The following ABL1 variants were observed in gnomAD, a reference collection of about 807,000 sequenced individuals.
The protein encoded by ABL1 is ABL proto-oncogene 1, non-receptor tyrosine kinase, also known as tyrosine-protein kinase ABL1.
In ABL1, 11 loss-of-function variants were observed where a neutral mutation model predicts 94.7. The observed-to-expected ratio is 0.12, with a 90% CI of 0.07 to 0.19. The LOEUF (loss-of-function observed/expected upper bound fraction) is 0.19, where lower values mean the gene tolerates loss of function less well. Ranked by LOEUF, ABL1 falls within the 10% of genes least tolerant of loss-of-function variation. The pLI is 1.00. For missense variants in ABL1, 1,082 were observed against 1,489.4 expected (o/e 0.73, Z 4.50); for synonymous variants, 656 against 622.4 (o/e 1.05, Z -0.80).
At chr9:130,829,519 C>T (rs1257731666) in intron 1 of ABL1, among the ~76,000 whole-genome samples, 2 of 148,308 alleles carry the variant, frequency 1.3e-5, no homozygotes, top group East Asian at 2.0e-4. Flanking sequence ...GGGCGGAGAT[C>T]GCGCCACTGC....
At chr9:130,831,493 TC>T (rs1284183449), upstream of ABL1, among the ~76,000 whole-genome samples, 1 of 152,268 alleles carries the variant, frequency 6.6e-6, no homozygotes, top group African/African-American at 2.4e-5. Flanking sequence ...ACTATGCCTA[TC>T]TTAAATTCAG....
At chr9:130,730,321 C>A (rs1248491878) in intron 1 of ABL1, among the ~76,000 whole-genome samples, 1 of 151,666 alleles carries the variant, frequency 6.6e-6, no homozygotes, top group East Asian at 2.0e-4. Flanking sequence ...GGATTACAGG[C>A]GTGAGTCACC....
At chr9:130,806,820 C>T (rs1483793201) in intron 1 of ABL1, among the ~76,000 whole-genome samples, 1 of 152,098 alleles carries the variant, frequency 6.6e-6, no homozygotes, top group Non-Finnish European at 1.5e-5. Context: ...GATACATTTT[C>T]CTATTTGTCT....
intron 1 of ABL1, among the ~76,000 whole-genome samples, chr9:130,827,150 G>A (rs1475219793): frequency 1.3e-5 from 2 of 152,206 alleles, no homozygotes; most frequent in African/African-American, 4.8e-5. Context: ...ATGGGTCCGG[G>A]TAGGCCATTG....
chr9:130,886,619 C>T lies in ABL1; in HGVS notation c.*936C>T. 4.3e-6 allele frequency: 1 copy of T among 233,706 alleles called. No individual in the cohort carries two copies. Among genetic ancestry groups the T allele is most frequent in the Non-Finnish European group, 8.5e-6 (1 of 118,068 alleles). 14.5% of individuals were successfully genotyped at this position (233,706 alleles called of 1,614,324 possible). ...GGGCCCAGGCAGGTCTGCAAGGGCCCAGAGTGAACCGTCCTTTCACACATC... is the reference window on the plus strand; with the variant it reads ...GGGCCCAGGCAGGTCTGCAAGGGCCTAGAGTGAACCGTCCTTTCACACATC... On this transcript the variant is annotated 3_prime_UTR_variant, in exon 11 of 11. Coordinates refer to ENST00000318560, the MANE Select transcript of ABL1 (RefSeq NM_005157.6).
intron 1 of ABL1, among the ~76,000 whole-genome samples, chr9:130,821,889 G>A (rs1051131115): frequency 6.7e-6 from 1 of 149,770 alleles, no homozygotes; most frequent in Non-Finnish European, 1.5e-5. Flanking sequence ...CACCCAGGCT[G>A]GAGTGCAGTG....
At chr9:130,882,709 A>G (rs1391429465) in intron 10 of ABL1, among the ~76,000 whole-genome samples, 1 of 151,818 alleles carries the variant, frequency 6.6e-6, no homozygotes, top group Non-Finnish European at 1.5e-5. Flanking sequence ...TAATTTTTGC[A>G]TTTTTTAGTA....
Position 130,885,782 on chromosome 9 carries a change from CAGCACCTTGGCCCAGG to C in ABL1, c.*103_*118del. 6.9e-7 allele frequency: 1 copy of C among 1,444,388 alleles called. No homozygotes were observed. 89.5% of individuals were successfully genotyped at this position (1,444,388 alleles called of 1,614,324 possible). A position where few individuals can be genotyped will look rare whatever the true frequency, so the allele number is the denominator to read the frequency against. On this transcript the variant is annotated 3_prime_UTR_variant, in exon 11 of 11. Transcript: ENST00000318560. ...AGTGGCTGACAAGGGACTAGTGAGTCAGCACCTTGGCCCAGGAGCTCTGCGCCAGGCAGAGCTGAGG... is the reference window on the plus strand; with the variant it reads ...AGTGGCTGACAAGGGACTAGTGAGTCAGCTCTGCGCCAGGCAGAGCTGAGG...
chr9:130,851,644 T>C (rs1459058848), intron 1 of ABL1, among the ~76,000 whole-genome samples: 1 of 152,064 alleles, frequency 6.6e-6, no homozygotes. Context: ...CAGGAAAGAA[T>C]GCGTGAGGAT....
At chr9:130,772,391 A>T (rs1282155579) in intron 1 of ABL1, among the ~76,000 whole-genome samples, 2 of 152,226 alleles carry the variant, frequency 1.3e-5, no homozygotes, top group African/African-American at 2.4e-5. Context: ...AGACTCACAG[A>T]TGGTCATGAT....
rs1381591369 is a variant in ABL1, at chr9:130,764,197, T to C, written c.136+49742T>C. ...CAGGACACACACATCACTGTGTCCT[T>C]GAGGGAGATCTTTCTTCTCTAGGAA... On this transcript the variant is annotated intron_variant, in intron 1 of 10. Transcript: ENST00000372348. Among the ~76,000 whole-genome samples the C allele has an allele frequency of 3.3e-5, 5 of 152,084 alleles. No individual in the cohort carries two copies. The East Asian group carries it at 7.7e-4, about 23-fold the overall frequency.
At chr9:130,735,961 A>ATATATATATTTTTTTTTT (rs573602038) in intron 1 of ABL1, among the ~76,000 whole-genome samples, 1 of 94,850 alleles carries the variant, frequency 1.1e-5, no homozygotes, top group African/African-American at 6.4e-5. Context: ...ATATATATAT[A>ATATATATATTTTTTTTTT]TTTTTTTTTT....
chr9:130,810,126 A>G (rs1830188080), intron 1 of ABL1, among the ~76,000 whole-genome samples: 1 of 152,244 alleles, frequency 6.6e-6, no homozygotes, highest in Non-Finnish European at 1.5e-5. Flanking sequence ...GTAGTACATT[A>G]CAGACATTAG....
rs1168292694 is a variant in ABL1, at chr9:130,886,665, T to C, written c.*982T>C. ...ACATCTGGGTGCCCTGAAAGGGCCC[T>C]TCCCCTCCCCCACTCCTCTAAGACA... On this transcript the variant is annotated 3_prime_UTR_variant, in exon 11 of 11. Coordinates refer to ENST00000318560, the MANE Select transcript of ABL1 (RefSeq NM_005157.6). The C allele has an allele frequency of 4.3e-6, 1 of 233,650 alleles. No individual in the cohort carries two copies. The highest frequency in any genetic ancestry group is 8.5e-6 in the Non-Finnish European group (1 of 118,020). The allele number at this position is 233,650 out of a possible 1,614,324, so 14.5% of individuals were successfully genotyped here. A position where few individuals can be genotyped will look rare whatever the true frequency, so the allele number is the denominator to read the frequency against.
intron 1 of ABL1, among the ~76,000 whole-genome samples, chr9:130,775,646 A>T (rs904297937): frequency 1.4e-4 from 22 of 152,136 alleles, no homozygotes; most frequent in Non-Finnish European, 2.9e-4. Flanking sequence ...GAGATAACAG[A>T]TGAGAGACAA....
intron 1 of ABL1, among the ~76,000 whole-genome samples, chr9:130,851,505 C>G (rs1446365414): frequency 6.6e-6 from 1 of 152,026 alleles, no homozygotes; most frequent in East Asian, 1.9e-4. Context: ...AGAGCACATT[C>G]ATTTCTGAAA....
At chr9:130,868,342 T>G (rs1831191907) in intron 4 of ABL1, among the ~76,000 whole-genome samples, 2 of 152,008 alleles carry the variant, frequency 1.3e-5, no homozygotes, top group South Asian at 2.1e-4. Flanking sequence ...CCCTGTGGTG[T>G]TTCACTGTGC....
At chr9:130,799,941 C>T (rs1403850725) in intron 1 of ABL1, among the ~76,000 whole-genome samples, 3 of 151,734 alleles carry the variant, frequency 2.0e-5, no homozygotes, top group Non-Finnish European at 4.4e-5. Context: ...GGCGCAATCT[C>T]GGCTCACTGC....
intron 1 of ABL1, among the ~76,000 whole-genome samples, chr9:130,766,873 C>T (rs1330319988): frequency 6.6e-6 from 1 of 152,212 alleles, no homozygotes; most frequent in Non-Finnish European, 1.5e-5. Context: ...TAGAAACTTA[C>T]ATCAGATCTT....
Sources: gnomAD v4.1 joint callset for allele counts (sites outside exome capture counted in the v4.1 genomes callset) on GRCh38, gnomAD v4.1.1 for gene constraint, MANE v1.5 for transcripts, NCBI Gene and HGNC (gene_info 2026-07-23, HGNC 2026-07-21) for gene names.